The following SCFD1 variants were observed in gnomAD, a reference collection of about 807,000 sequenced individuals.
The protein encoded by SCFD1 is sec1 family domain containing 1.
Under a neutral mutation model 103.2 loss-of-function variants are expected in SCFD1, and 37 were observed. The ratio of observed to expected loss-of-function variants is 0.36; its 90% CI spans 0.28 to 0.47. SCFD1 has a LOEUF of 0.47. Ranked by LOEUF, SCFD1 falls within the 20% of genes least tolerant of loss-of-function variation. The probability of loss-of-function intolerance (pLI) is 1.00; values close to 1 mark genes in which losing one functional copy is unlikely to be tolerated. For missense variants in SCFD1, 639 were observed against 761.2 expected (o/e 0.84, Z 1.89); for synonymous variants, 264 against 245.0 (o/e 1.08, Z -0.73).
intron 7 of SCFD1, among the ~76,000 whole-genome samples, chr14:30,649,273 G>A (rs1360686545): frequency 6.6e-6 from 1 of 152,052 alleles, no homozygotes; most frequent in Non-Finnish European, 1.5e-5. Context: ...CACTGTTCGG[G>A]TGATGGGTGC....
chr14:30,680,817 G>A (rs1889408852), intron 14 of SCFD1, among the ~76,000 whole-genome samples: 1 of 152,050 alleles, frequency 6.6e-6, no homozygotes, highest in African/African-American at 2.4e-5. Flanking sequence ...TATAGTCTGT[G>A]ATTTTTCTTT....
chr14:30,711,394 G>A (rs1390239339), intron 19 of SCFD1, among the ~76,000 whole-genome samples: 2 of 152,168 alleles, frequency 1.3e-5, no homozygotes, highest in Admixed American at 1.3e-4. Context: ...GATTGCTTGA[G>A]CCCAGGCATT....
intron 2 of SCFD1, among the ~76,000 whole-genome samples, chr14:30,629,852 A>G (rs1883918218): frequency 6.6e-6 from 1 of 152,176 alleles, no homozygotes; most frequent in African/African-American, 2.4e-5. Flanking sequence ...CTGAGATTAC[A>G]GGCGTGAGCC....
intron 14 of SCFD1, among the ~76,000 whole-genome samples, chr14:30,693,329 G>A (rs957472879): frequency 6.6e-6 from 1 of 152,164 alleles, no homozygotes; most frequent in Non-Finnish European, 1.5e-5. Context: ...AATACCTATA[G>A]AAGCAGGTAG....
At chr14:30,636,145 G>A (rs72666427) in intron 4 of SCFD1, among the ~76,000 whole-genome samples, 5,575 of 152,028 alleles carry the variant, frequency 0.037, 140 homozygotes, top group Non-Finnish European at 0.058. Context: ...TTGGATACTA[G>A]ACACTCACAA....
chr14:30,663,402 G>T (rs1008783995), intron 10 of SCFD1, among the ~76,000 whole-genome samples: 3 of 152,130 alleles, frequency 2.0e-5, no homozygotes, highest in African/African-American at 7.2e-5. Context: ...AGCTGTTACT[G>T]TTTAAAATAG....
chr14:30,717,761 G>A (rs948336259), intron 20 of SCFD1, among the ~76,000 whole-genome samples: 29 of 151,846 alleles, frequency 1.9e-4, no homozygotes, highest in African/African-American at 6.5e-4. Flanking sequence ...GCACGCACCT[G>A]TAATCCAAGC....
At chr14:30,676,677 G>C (rs750080913) in intron 14 of SCFD1, 19 of 152,120 alleles carry the variant, frequency 1.2e-4, no homozygotes, top group Non-Finnish European at 2.8e-4. Context: ...GCTTTATTGA[G>C]GAGGGAAAGA....
At chr14:30,720,059 A>G (rs1211962592) in intron 21 of SCFD1, among the ~76,000 whole-genome samples, 1 of 152,126 alleles carries the variant, frequency 6.6e-6, no homozygotes, top group Non-Finnish European at 1.5e-5. Context: ...CCTGTTCCTT[A>G]TGTTTGGGAT....
chr14:30,720,169 C>T (rs758455156), intron 21 of SCFD1, among the ~76,000 whole-genome samples: 12 of 152,090 alleles, frequency 7.9e-5, no homozygotes, highest in South Asian at 2.1e-4. Context: ...TAACTTGAAA[C>T]GTTATTCCCT....
intron 14 of SCFD1, chr14:30,683,099 A>G (rs1889623058): frequency 1.5e-6 from 2 of 1,325,688 alleles, no homozygotes; most frequent in Non-Finnish European, 2.2e-6. Flanking sequence ...GATACTTCTT[A>G]AAAGCTGTGG....
intron 20 of SCFD1, 102 bp downstream of exon 20, chr14:30,716,079 C>T: frequency 2.8e-6 from 2 of 722,876 alleles, no homozygotes; most frequent in Middle Eastern, 2.3e-4. Context: ...AGCTTAATCA[C>T]AGCAGAATAC....
At chr14:30,633,674 G>A (rs186032061) in intron 3 of SCFD1, among the ~76,000 whole-genome samples, 1 of 152,304 alleles carries the variant, frequency 6.6e-6, no homozygotes, top group Admixed American at 6.5e-5. Flanking sequence ...TTCAAGGAGA[G>A]TGTTGGTAGA....
chr14:30,664,135 G>A (rs1887698765), intron 10 of SCFD1, among the ~76,000 whole-genome samples: 1 of 152,208 alleles, frequency 6.6e-6, no homozygotes, highest in South Asian at 2.1e-4. Context: ...GGGGCTGACT[G>A]ACACCTCATA....
rs537016863 is a variant in SCFD1 at position 30,725,973 on chromosome 14, G to A, written c.1836+3414G>A. On this transcript the variant is annotated intron_variant, in intron 23 of 24. Coordinates refer to ENST00000458591, the MANE Select transcript of SCFD1 (RefSeq NM_016106.4). ...ATCACTAGTTAGAACATTTCATTCA[G>A]GTTTGGCCAACAGTTAGCAACATGA... 2.5e-4 allele frequency among the ~76,000 whole-genome samples: 38 copies of A among 152,262 alleles called. 1 individual carries two copies. In the South Asian group the frequency reaches 7.7e-3, roughly 31 times the overall value.
chr14:30,652,163 T>C (rs564195692), intron 9 of SCFD1, among the ~76,000 whole-genome samples: 22 of 152,144 alleles, frequency 1.4e-4, no homozygotes, highest in Non-Finnish European at 2.9e-4. Context: ...CAGAAGAGTG[T>C]AATGAGTTAA....
chr14:30,714,214 C>T (rs1234989089), intron 19 of SCFD1, among the ~76,000 whole-genome samples: 2 of 151,256 alleles, frequency 1.3e-5, no homozygotes, highest in Non-Finnish European at 2.9e-5. Flanking sequence ...ATTAGCCGGG[C>T]GCAGTGGCGG....
intron 14 of SCFD1, chr14:30,683,331 G>A (rs989195677): frequency 1.6e-6 from 1 of 636,254 alleles, no homozygotes; most frequent in Non-Finnish European, 2.7e-6. Flanking sequence ...TGCATTGTAA[G>A]GGTAGTCACT....
chr14:30,712,633 A>T (rs1188394125), intron 19 of SCFD1, among the ~76,000 whole-genome samples: 1 of 152,184 alleles, frequency 6.6e-6, no homozygotes, highest in African/African-American at 2.4e-5. Context: ...TCATAAAATG[A>T]GTTAGGATTT....
Sources: gnomAD v4.1 joint callset for allele counts (sites outside exome capture counted in the v4.1 genomes callset) on GRCh38, gnomAD v4.1.1 for gene constraint, MANE v1.5 for transcripts, NCBI Gene and HGNC (gene_info 2026-07-23, HGNC 2026-07-21) for gene names.